The following GPR61 variants were observed in gnomAD, a reference collection of about 807,000 sequenced individuals.
GPR61 encodes the protein G protein-coupled receptor 61, also known as G-protein coupled receptor 61.
A neutral mutation model predicts 29.2 loss-of-function variants in GPR61; 15 were observed. The observed-to-expected ratio is 0.51, with a 90% CI of 0.34 to 0.79. The LOEUF (loss-of-function observed/expected upper bound fraction) is 0.79, where lower values mean the gene tolerates loss of function less well. GPR61 is among the 30% of genes least tolerant of loss of function. GPR61 has a pLI of 0.01. For missense variants in GPR61, 399 were observed against 582.5 expected (o/e 0.69, Z 3.24); for synonymous variants, 238 against 242.3 (o/e 0.98, Z 0.17).
In GPR61 at chr1:109,542,879, C is replaced by A; in HGVS notation, c.-144C>A. 1 of 1,197,100 alleles carries A rather than the reference C, an allele frequency of 8.4e-7. No homozygotes were observed. The highest frequency in any genetic ancestry group is 1.2e-6 in the Non-Finnish European group (1 of 830,922). The allele number at this position is 1,197,100 out of a possible 1,614,324, so 74.2% of individuals were successfully genotyped here. ...CCTGGCCTGGCGCTCTGTACGCAGACAAACCTGCCCAAGAGGCTCCAGTGG... is the reference window on the plus strand; with the variant it reads ...CCTGGCCTGGCGCTCTGTACGCAGAAAAACCTGCCCAAGAGGCTCCAGTGG... On this transcript the variant is annotated 5_prime_UTR_variant, in exon 2 of 2. Transcript: ENST00000527748.
In GPR61 at chr1:109,544,279, TGAG is replaced by T. The variant is rs957274755; in HGVS notation, c.1261_1263del (p.Glu421del). The T allele has an allele frequency of 3.1e-6, 5 of 1,613,848 alleles. No homozygotes were observed. The highest frequency in any genetic ancestry group is 2.7e-5 in the African/African-American group (2 of 74,938). On this transcript the variant is annotated inframe_deletion, in exon 2 of 2. Transcript: ENST00000527748. This position sits in a 1 kb window ranked among gnomAD's most constrained non-coding sequence, Gnocchi z 4.6. Reference sequence around the variant, plus strand: ...ACTTTCGAATCCCAGGCCAGATAGCTGAGGAGACCTCTGAGTTCCTGGAGCAGC... The same window carrying T: ...ACTTTCGAATCCCAGGCCAGATAGCTGAGACCTCTGAGTTCCTGGAGCAGC...
chr1:109,543,745 G>A lies in GPR61; in HGVS notation c.723G>A (p.Gln241=). Reference sequence around the variant, plus strand: ...GAGTGGCCCGCGTGGCTGCCATGCAGCACGGGCCGCTGCCCACGTGGATGG... The same window carrying A: ...GAGTGGCCCGCGTGGCTGCCATGCAACACGGGCCGCTGCCCACGTGGATGG... The part of the protein sequence containing the change: ...MFRVARVAAM[Q]HGPLPTWMET... The change falls in exon 2 of 2, where the codon CAG becomes CAA. Residue 241 remains glutamine (Q), a synonymous_variant. Coordinates refer to ENST00000527748, the MANE Select transcript of GPR61 (RefSeq NM_001393907.1). This position sits in a 1 kb window ranked among gnomAD's most constrained non-coding sequence, Gnocchi z 6.8. 1 of 1,613,274 alleles carries A rather than the reference G, an allele frequency of 6.2e-7. No individual in the cohort carries two copies. Among genetic ancestry groups the A allele is most frequent in the Middle Eastern group, 1.6e-4 (1 of 6,062 alleles).
At position 109,546,442 on chromosome 1, in the gene GPR61, AGCAGGTG is replaced by A. The variant is rs1487999830; in HGVS notation, c.*2069_*2075del. The A allele has an allele frequency of 1.3e-5, 2 of 152,298 alleles. No individual in the cohort carries two copies. 9.4% of individuals were successfully genotyped at this position (152,298 alleles called of 1,614,324 possible). A position where few individuals can be genotyped will look rare whatever the true frequency, so the allele number is the denominator to read the frequency against. On this transcript the variant is annotated 3_prime_UTR_variant, in exon 2 of 2. Transcript: ENST00000527748. ...CAGCTATTAGATCCAAGGAATTGCC[AGCAGGTG>A]GCAGTGTGAGCCCAATGGAAGGAGG... is the stretch of plus-strand genomic sequence containing the variant.
rs940605995 is a variant in GPR61, at chr1:109,546,873, G to A, written c.*2495G>A. Reference sequence around the variant, plus strand: ...TACGTAATCTTTGGCTCTGAAAGCTGTTCCTGGACAAAATCTGAGCTAACT... The same window carrying A: ...TACGTAATCTTTGGCTCTGAAAGCTATTCCTGGACAAAATCTGAGCTAACT... On this transcript the variant is annotated 3_prime_UTR_variant, in exon 2 of 2. Transcript: ENST00000527748. 1 of 152,226 alleles carries A rather than the reference G, an allele frequency of 6.6e-6. No individual in the cohort carries two copies. Among genetic ancestry groups the A allele is most frequent in the Non-Finnish European group, 1.5e-5 (1 of 68,042 alleles). The allele number at this position is 152,226 out of a possible 1,614,324, so 9.4% of individuals were successfully genotyped here.
Position 109,543,814 on chromosome 1 carries a change from G to C in GPR61, c.792G>C (p.Thr264=). 6.2e-7 allele frequency: 1 copy of C among 1,613,532 alleles called. No homozygotes were observed. Among genetic ancestry groups the C allele is most frequent in the Non-Finnish European group, 8.5e-7 (1 of 1,180,046 alleles). ...QRSESLSSRS[T]MVTSSGAPQT... is the part of the protein sequence containing the mutation. ...CCGAATCTCTCAGCAGCCGCTCCAC[G>C]ATGGTCACCAGCTCGGGGGCCCCCC... is the stretch of plus-strand genomic sequence containing the variant. Residue 264 remains threonine (T), a synonymous_variant, in exon 2 of 2, where the codon ACG becomes ACC. Coordinates refer to ENST00000527748, the MANE Select transcript of GPR61 (RefSeq NM_001393907.1). This position sits in a 1 kb window ranked among gnomAD's most constrained non-coding sequence, Gnocchi z 6.8.
Position 109,543,453 on chromosome 1 carries a change from T to C in GPR61, c.431T>C (p.Val144Ala), listed in dbSNP as rs751272003. 6.2e-7 allele frequency: 1 copy of C among 1,613,500 alleles called. No individual in the cohort carries two copies. The highest frequency in any genetic ancestry group is 1.7e-5 in the Admixed American group (1 of 60,018). The stretch of plus-strand genomic sequence containing the variant: ...ATCAATGTGGAGCGCTACTATTACG[T>C]AGTCCACCCCATGCGCTACGAGGTG... Reference protein sequence around the residue: ...SAINVERYYYVVHPMRYEVRM... With the variant: ...SAINVERYYYAVHPMRYEVRM... The change falls in exon 2 of 2, where the codon GTA becomes GCA. Residue 144 changes from valine (V) to alanine (A), a missense_variant. By Grantham distance (64) the Val-to-Ala change is moderately conservative. This residue lies in a region of GPR61 where 320 missense variants were observed against 459.8 expected (regional missense o/e 0.70). Transcript: ENST00000527748. This position sits in a 1 kb window ranked among gnomAD's most constrained non-coding sequence, Gnocchi z 6.8.
Position 109,544,432 on chromosome 1 carries a change from G to A in GPR61, c.*54G>A, listed in dbSNP as rs1310545375. The A allele has an allele frequency of 3.7e-6, 5 of 1,344,938 alleles. No homozygotes were observed. In the African/African-American group the frequency reaches 4.3e-5, roughly 12 times the overall value. The allele number at this position is 1,344,938 out of a possible 1,614,324, so 83.3% of individuals were successfully genotyped here. A position where few individuals can be genotyped will look rare whatever the true frequency, so the allele number is the denominator to read the frequency against. ...GGGCTGGGGCCAGTTATGATTGCAA[G>A]GACCACCTTGTGGGATCACCTTTTC... On this transcript the variant is annotated 3_prime_UTR_variant, in exon 2 of 2. Transcript: ENST00000527748. This position sits in a 1 kb window ranked among gnomAD's most constrained non-coding sequence, Gnocchi z 4.6.
At position 109,542,543 on chromosome 1, in the gene GPR61, A is replaced by G. The variant is rs1647668946; in HGVS notation, c.-480A>G. The G allele has an allele frequency of 2.7e-6, 1 of 368,140 alleles. No individual in the cohort carries two copies. The highest frequency in any genetic ancestry group is 2.0e-5 in the South Asian group (1 of 50,138). 22.8% of individuals were successfully genotyped at this position (368,140 alleles called of 1,614,324 possible). ...CAGCAGCTCTTGCCATTCTGAGGAG[A>G]CAAGAAATCAGGAAATTTACATAAG... On this transcript the variant is annotated 5_prime_UTR_variant, in exon 2 of 2. Transcript: ENST00000527748.
chr1:109,542,176 G>A (rs72987016), intron 1 of GPR61, among the ~76,000 whole-genome samples: 10,623 of 152,240 alleles, frequency 0.07, 1,216 homozygotes, highest in African/African-American at 0.24. Flanking sequence ...GCGACCTTGG[G>A]TAAGTTACTT....
At chr1:109,540,579 A>G (rs1259464411) in intron 1 of GPR61, among the ~76,000 whole-genome samples, 2 of 152,168 alleles carry the variant, frequency 1.3e-5, no homozygotes, top group Non-Finnish European at 2.9e-5. Context: ...TCCTGGAGGT[A>G]AGAGGGGTGC....
Position 109,544,364 on chromosome 1 carries a change from C to T in GPR61, c.1342C>T (p.Arg448Trp), listed in dbSNP as rs987078216. The T allele has an allele frequency of 3.7e-6, 6 of 1,611,316 alleles. No individual in the cohort carries two copies. Among genetic ancestry groups the T allele is most frequent in the Non-Finnish European group, 5.1e-6 (6 of 1,178,550 alleles). ...CTACCTCCGTCCTGCCGCCTCACCCCGGCTGGAGTCATGATGGGCCGCTGG... is the reference window on the plus strand; with the variant it reads ...CTACCTCCGTCCTGCCGCCTCACCCTGGCTGGAGTCATGATGGGCCGCTGG... Reference protein sequence around the residue: ...DSYLRPAASPRLES With the variant: ...DSYLRPAASPWLES Residue 448 changes from arginine (R) to tryptophan (W), a missense_variant, in exon 2 of 2, where the codon CGG (arginine) becomes TGG (tryptophan). Arg to Trp is a moderately radical substitution (Grantham distance 101). Transcript: ENST00000527748. This position sits in a 1 kb window ranked among gnomAD's most constrained non-coding sequence, Gnocchi z 4.6.
rs540892288 is a variant in GPR61, at chr1:109,547,221, T to G, written c.*2843T>G. The G allele has an allele frequency of 6.6e-6, 1 of 152,352 alleles. No individual in the cohort carries two copies. Among genetic ancestry groups the G allele is most frequent in the African/African-American group, 2.4e-5 (1 of 41,586 alleles). 9.4% of individuals were successfully genotyped at this position (152,352 alleles called of 1,614,324 possible). A position where few individuals can be genotyped will look rare whatever the true frequency, so the allele number is the denominator to read the frequency against. On this transcript the variant is annotated 3_prime_UTR_variant, in exon 2 of 2. Transcript: ENST00000527748. ...TGGGATGTGGGAGCACCTAGCCGTATCTGGCAAATAGGTACTCAATAAATA... is the reference window on the plus strand; with the variant it reads ...TGGGATGTGGGAGCACCTAGCCGTAGCTGGCAAATAGGTACTCAATAAATA...
At position 109,545,642 on chromosome 1, in the gene GPR61, G is replaced by C. The variant is rs1042568297; in HGVS notation, c.*1264G>C. 5 of 152,164 alleles carry C rather than the reference G, an allele frequency of 3.3e-5. No individual in the cohort carries two copies. The highest frequency in any genetic ancestry group is 4.8e-5 in the African/African-American group (2 of 41,406). The allele number at this position is 152,164 out of a possible 1,614,324, so 9.4% of individuals were successfully genotyped here. A position where few individuals can be genotyped will look rare whatever the true frequency, so the allele number is the denominator to read the frequency against. On this transcript the variant is annotated 3_prime_UTR_variant, in exon 2 of 2. Transcript: ENST00000527748. Reference sequence around the variant, plus strand: ...TGCAAACTGGACAGGACACCCATCTGGGACCACCTGTCCATCCTACTTCCC... The same window carrying C: ...TGCAAACTGGACAGGACACCCATCTCGGACCACCTGTCCATCCTACTTCCC...
In GPR61 at chr1:109,543,823, C is replaced by T. The variant is rs141347020; in HGVS notation, c.801C>T (p.Thr267=). The part of the protein sequence containing the change: ...ESLSSRSTMV[T]SSGAPQTTPH... ...TCAGCAGCCGCTCCACGATGGTCAC[C>T]AGCTCGGGGGCCCCCCAGACCACCC... The change falls in exon 2 of 2, where the codon ACC becomes ACT. Residue 267 remains threonine, a synonymous_variant. Coordinates refer to ENST00000527748, the MANE Select transcript of GPR61 (RefSeq NM_001393907.1). This position sits in a 1 kb window ranked among gnomAD's most constrained non-coding sequence, Gnocchi z 6.8. The T allele has an allele frequency of 1.4e-5, 22 of 1,613,442 alleles. No individual in the cohort carries two copies. Among genetic ancestry groups the T allele is most frequent in the Non-Finnish European group, 1.8e-5 (21 of 1,180,036 alleles).
rs1431374207 is a variant in GPR61 at position 109,544,181 on chromosome 1, G to A, written c.1159G>A (p.Gly387Arg). 2 of 1,614,092 alleles carry A rather than the reference G, an allele frequency of 1.2e-6. No individual in the cohort carries two copies. Among genetic ancestry groups the A allele is most frequent in the Non-Finnish European group, 1.7e-6 (2 of 1,180,004 alleles). Residue 387 changes from glycine to arginine, a missense_variant, in exon 2 of 2, where the codon GGG (glycine) becomes AGG (arginine). By Grantham distance (125) the Gly-to-Arg change is moderately radical. Around this residue, in one of 3 missense-constraint regions of GPR61, gnomAD observed 320 missense variants for 459.8 expected, o/e 0.70. Coordinates refer to ENST00000527748, the MANE Select transcript of GPR61 (RefSeq NM_001393907.1). This position sits in a 1 kb window ranked among gnomAD's most constrained non-coding sequence, Gnocchi z 4.6. ...GGAGAACTTCCTGCAGTTCCTTCAG[G>A]GGACTGGCTGTCCTTCTGAGTCCTG... ...IEENFLQFLQ[G>R]TGCPSESWVS... is the part of the protein sequence containing the mutation.
Position 109,547,256 on chromosome 1 carries a change from C to A in GPR61, c.*2878C>A, listed in dbSNP as rs1335822549. On this transcript the variant is annotated 3_prime_UTR_variant, in exon 2 of 2. Coordinates refer to ENST00000527748, the MANE Select transcript of GPR61 (RefSeq NM_001393907.1). ...AGGTACTCAATAAATACTGGTTTTA[C>A]TTCCCTTTCCTCTTGCCCTTTTTCC... is the stretch of plus-strand genomic sequence containing the variant. 6.6e-6 allele frequency: 1 copy of A among 152,206 alleles called. No homozygotes were observed. Among genetic ancestry groups the A allele is most frequent in the Non-Finnish European group, 1.5e-5 (1 of 68,024 alleles). The allele number at this position is 152,206 out of a possible 1,614,324, so 9.4% of individuals were successfully genotyped here.
intron 1 of GPR61, among the ~76,000 whole-genome samples, chr1:109,540,364 G>A (rs1038416888): frequency 2.6e-5 from 4 of 152,174 alleles, no homozygotes; most frequent in African/African-American, 9.7e-5. Context: ...AGCTTAGGAG[G>A]GGCACGCTCT....
chr1:109,546,808 C>CAG lies in GPR61; in HGVS notation c.*2431_*2432dup, dbSNP rs1647819369. ...AACAATTTCTGCTATGACCACCTTC[C>CAG]AGGAGTTTTCTAGTCACCAGATGCC... On this transcript the variant is annotated 3_prime_UTR_variant, in exon 2 of 2. Transcript: ENST00000527748. The CAG allele has an allele frequency of 6.6e-6, 1 of 152,260 alleles. No homozygotes were observed. The highest frequency in any genetic ancestry group is 2.4e-5 in the African/African-American group (1 of 41,528). 9.4% of individuals were successfully genotyped at this position (152,260 alleles called of 1,614,324 possible).
chr1:109,543,566 G>A lies in GPR61; in HGVS notation c.544G>A (p.Val182Ile). Residue 182 changes from valine (V) to isoleucine (I), a missense_variant, in exon 2 of 2, where the codon GTC (valine) becomes ATC (isoleucine). Val to Ile is a conservative substitution (Grantham distance 29, BLOSUM62 3). Around this residue, in one of 3 missense-constraint regions of GPR61, gnomAD observed 320 missense variants for 459.8 expected, o/e 0.70. Transcript: ENST00000527748. The surrounding 1 kb of genome is among the most constrained non-coding windows in gnomAD (Gnocchi z 6.8). ...AMASVPVLGR[V>I]SWEEGAPSVP... ...GGCTTCTGTGCCAGTGTTGGGAAGG[G>A]TCTCCTGGGAGGAAGGAGCTCCCAG... 6.2e-7 allele frequency: 1 copy of A among 1,614,006 alleles called. No individual in the cohort carries two copies. The highest frequency in any genetic ancestry group is 2.2e-5 in the East Asian group (1 of 44,888).
Sources: gnomAD v4.1 joint callset for allele counts (sites outside exome capture counted in the v4.1 genomes callset) on GRCh38, gnomAD v4.1.1 for gene constraint, gnomAD v4.1.1 regional missense constraint, Gnocchi (gnomAD v3.1) non-coding constraint, MANE v1.5 for transcripts, NCBI Gene and HGNC (gene_info 2026-07-23, HGNC 2026-07-21) for gene names.